The following JADE1 variants were observed in gnomAD, a reference collection of about 807,000 sequenced individuals.
JADE1 encodes jade family PHD finger 1, also known as protein Jade-1.
Under a neutral mutation model 81.8 loss-of-function variants are expected in JADE1, and 14 were observed. The ratio of observed to expected loss-of-function variants is 0.17; its 90% CI spans 0.11 to 0.27. JADE1 has a LOEUF of 0.27. JADE1 is among the 10% of genes least tolerant of loss of function. The pLI is 1.00. For missense variants in JADE1, 690 were observed against 1,047.9 expected (o/e 0.66, Z 4.71); for synonymous variants, 353 against 391.9 (o/e 0.90, Z 1.17).
At chr4:128,823,309 C>G (rs1292652066) in intron 1 of JADE1, among the ~76,000 whole-genome samples, 3 of 152,174 alleles carry the variant, frequency 2.0e-5, no homozygotes, top group African/African-American at 4.8e-5. Flanking sequence ...GCTTGTGATT[C>G]ATTCAGAACC....
chr4:128,834,530 CTTT>C (rs202245727), intron 2 of JADE1, among the ~76,000 whole-genome samples: 9 of 99,176 alleles, frequency 9.1e-5, no homozygotes, highest in Non-Finnish European at 1.5e-4. Flanking sequence ...CCAAATATTT[CTTT>C]TTTTTTTTTT....
chr4:128,860,066 G>A (rs886791112), intron 8 of JADE1, among the ~76,000 whole-genome samples: 5 of 152,150 alleles, frequency 3.3e-5, no homozygotes, highest in African/African-American at 7.2e-5. Flanking sequence ...GGGTTAGAGC[G>A]CTTGGGTTAA....
chr4:128,850,852 A>G (rs945813160), intron 5 of JADE1, among the ~76,000 whole-genome samples: 1 of 152,254 alleles, frequency 6.6e-6, no homozygotes, highest in Non-Finnish European at 1.5e-5. Flanking sequence ...TGTTGAATAC[A>G]TTGGCAAGAT....
chr4:128,870,915 G>T (rs1196158332), intron 10 of JADE1, among the ~76,000 whole-genome samples: 3 of 152,204 alleles, frequency 2.0e-5, no homozygotes, highest in Non-Finnish European at 4.4e-5. Flanking sequence ...TACAAGCCCC[G>T]AGCCCTGCTT....
At chr4:128,843,618 T>G (rs1346155238) in intron 3 of JADE1, among the ~76,000 whole-genome samples, 1 of 152,208 alleles carries the variant, frequency 6.6e-6, no homozygotes, top group Non-Finnish European at 1.5e-5. Flanking sequence ...TGGTCTTTGT[T>G]TAGGGGTCCT....
At chr4:128,817,092 C>T (rs959972881) in intron 1 of JADE1, among the ~76,000 whole-genome samples, 1 of 152,070 alleles carries the variant, frequency 6.6e-6, no homozygotes, top group Non-Finnish European at 1.5e-5. Flanking sequence ...CTCCTGACCT[C>T]AAGTGACCCA....
chr4:128,841,080 CTG>C (rs1560748913), intron 2 of JADE1, among the ~76,000 whole-genome samples: 1 of 152,368 alleles, frequency 6.6e-6, no homozygotes, highest in African/African-American at 2.4e-5. Context: ...CTTTGATTCT[CTG>C]TTCCTGTCTC....
intron 1 of JADE1, 191 bp downstream of exon 1, chr4:128,810,068 G>A (rs182353259): frequency 3.9e-5 from 6 of 153,174 alleles, no homozygotes; most frequent in African/African-American, 1.4e-4. Context: ...GGGAGTTCTC[G>A]GGAGTAATTT....
At chr4:128,862,585 GTTTACAGACTGA>G in intron 9 of JADE1, 2 of 1,078,608 alleles carry the variant, frequency 1.9e-6, no homozygotes, top group Non-Finnish European at 1.1e-6. Context: ...ACTCAGGATG[GTTTACAGACTGA>G]TTTAGAAAAC....
At chr4:128,851,222 T>G (rs765602711) in intron 5 of JADE1, among the ~76,000 whole-genome samples, 10 of 152,224 alleles carry the variant, frequency 6.6e-5, no homozygotes, top group Admixed American at 1.3e-4. Context: ...GCCTGGTGTT[T>G]CAGTCTTTTT....
chr4:128,833,010 C>T (rs2125829825), intron 2 of JADE1, among the ~76,000 whole-genome samples: 1 of 152,194 alleles, frequency 6.6e-6, no homozygotes, highest in African/African-American at 2.4e-5. Context: ...GCAATGAGGA[C>T]CTCTAAGGAA....
intron 2 of JADE1, among the ~76,000 whole-genome samples, chr4:128,837,979 G>C (rs1054672446): frequency 3.9e-5 from 6 of 152,226 alleles, no homozygotes; most frequent in South Asian, 2.1e-4. Context: ...ACCAAATGTG[G>C]AAGGTGTGTG....
At chr4:128,862,272 C>A (rs367762022) in intron 9 of JADE1, 47 bp downstream of exon 9, 1 of 1,610,626 alleles carries the variant, frequency 6.2e-7, no homozygotes, top group South Asian at 1.1e-5. Flanking sequence ...GAAGAAGATG[C>A]AAAGAGGCGA....
At position 128,809,710 on chromosome 4, in the gene JADE1, A is replaced by G. The variant is rs1726163599; in HGVS notation, c.-194A>G. 1.3e-5 allele frequency: 2 copies of G among 152,208 alleles called. No homozygotes were observed. Among genetic ancestry groups the G allele is most frequent in the South Asian group, 2.1e-4 (1 of 4,834 alleles). 9.4% of individuals were successfully genotyped at this position (152,208 alleles called of 1,614,324 possible). On this transcript the variant is annotated 5_prime_UTR_variant, in exon 1 of 11. Transcript: ENST00000226319. ...TTCACATAGTCCTTCCTCCATAACA[A>G]GCCAAACGCCAGACCGAGAGTGCCT...
In JADE1 at chr4:128,874,615, T is replaced by C. The variant is rs754850698; in HGVS notation, c.*2353T>C. On this transcript the variant is annotated 3_prime_UTR_variant, in exon 11 of 11. Transcript: ENST00000226319. ...GAGCACGGTTTCTCTGACAGTATAA[T>C]GATAGCTTTGTGAGTTAGTTTCATG... The C allele has an allele frequency of 2.0e-5, 3 of 152,650 alleles. No individual in the cohort carries two copies. Among genetic ancestry groups the C allele is most frequent in the Non-Finnish European group, 4.4e-5 (3 of 68,032 alleles). 9.5% of individuals were successfully genotyped at this position (152,650 alleles called of 1,614,324 possible).
chr4:128,852,710 A>C (rs1375893303), intron 6 of JADE1, among the ~76,000 whole-genome samples: 2 of 152,192 alleles, frequency 1.3e-5, no homozygotes, highest in African/African-American at 4.8e-5. Context: ...TTAAAACAAC[A>C]AAAATGTATT....
At chr4:128,850,886 A>T (rs1730292308) in intron 5 of JADE1, among the ~76,000 whole-genome samples, 1 of 152,206 alleles carries the variant, frequency 6.6e-6, no homozygotes. Flanking sequence ...TTATAACATA[A>T]ACGGAACGCA....
Position 128,871,766 on chromosome 4 carries a change from T to C in JADE1, c.2033T>C (p.Phe678Ser). 6.2e-7 allele frequency: 1 copy of C among 1,614,106 alleles called. No individual in the cohort carries two copies. The change falls in exon 11 of 11, where the codon TTT (phenylalanine) becomes TCT (serine). Residue 678 changes from phenylalanine (F) to serine (S), a missense_variant. Physicochemically the swap from Phe to Ser is radical, Grantham distance 155 (BLOSUM62 -2). Coordinates refer to ENST00000226319, the MANE Select transcript of JADE1 (RefSeq NM_199320.4). The surrounding 1 kb of genome is among the most constrained non-coding windows in gnomAD (Gnocchi z 4.1). The stretch of plus-strand genomic sequence containing the variant: ...AAAGGAGACTTAAAGGACAAATCTT[T>C]TAAACAGAGTCACAAGCCTCTCAGG... ...LIKGDLKDKS[F>S]KQSHKPLRST...
At chr4:128,859,209 GGT>G (rs938026061) in intron 8 of JADE1, among the ~76,000 whole-genome samples, 7 of 150,782 alleles carry the variant, frequency 4.6e-5, no homozygotes, top group East Asian at 1.9e-4. Context: ...TGTGTGTATG[GGT>G]GTGTGTGTGA....
Sources: allele counts gnomAD v4.1 joint callset (sites outside exome capture counted in the v4.1 genomes callset), GRCh38; gene constraint gnomAD v4.1.1; non-coding constraint Gnocchi (gnomAD v3.1); transcripts MANE v1.5; gene names NCBI Gene and HGNC (gene_info 2026-07-23, HGNC 2026-07-21).